Variants in NCKAP5 observed in about 807,000 individuals in gnomAD.
NCKAP5 encodes nck-associated protein 5.
NCKAP5 carries 92 observed loss-of-function variants against 167.0 expected under a neutral mutation model. The ratio of observed to expected loss-of-function variants is 0.55; its 90% CI spans 0.47 to 0.66. The LOEUF (loss-of-function observed/expected upper bound fraction) is 0.66, where lower values mean the gene tolerates loss of function less well. Among genes scored for constraint, NCKAP5 ranks in the 30% least tolerant of loss-of-function variants. The pLI is 0.00. For synonymous variants in NCKAP5, 891 were observed against 877.4 expected (o/e 1.02, Z -0.27); for missense variants, 2,378 against 2,315.0 (o/e 1.03, Z -0.56).
At chr2:133,065,629 T>A (rs115158139) in intron 6 of NCKAP5, among the ~76,000 whole-genome samples, 235 of 151,728 alleles carry the variant, frequency 1.5e-3, no homozygotes, top group African/African-American at 5.4e-3. Flanking sequence ...ATCTTAAAAA[T>A]TTTTTTTCTC....
intron 5 of NCKAP5, among the ~76,000 whole-genome samples, chr2:133,155,455 T>C (rs35535037): frequency 0.18 from 27,818 of 152,050 alleles, 2,784 homozygotes; most frequent in Non-Finnish European, 0.22. Flanking sequence ...TGAGAACCCC[T>C]GCCACAGCTC....
intron 4 of NCKAP5, among the ~76,000 whole-genome samples, chr2:133,220,381 T>A (rs575021008): frequency 1.3e-5 from 2 of 152,316 alleles, no homozygotes; most frequent in East Asian, 3.9e-4. Flanking sequence ...TTACTTCTCT[T>A]ACAGTTAAAT....
chr2:132,784,964 T>A lies in NCKAP5; in HGVS notation c.1847A>T (p.Asn616Ile). The change falls in exon 14 of 20, where the codon AAC becomes ATC. Residue 616 changes from asparagine (N) to isoleucine (I), a missense_variant. Physicochemically the swap from Asn to Ile is moderately radical, Grantham distance 149. Coordinates refer to ENST00000409261, the MANE Select transcript of NCKAP5 (RefSeq NM_207363.3). ...TCCAAACCCCACAAGGACATCCAGG[T>A]TCTCCACGGACTTATCGGTGTCGGC... is the stretch of plus-strand genomic sequence containing the variant. ...LAADTDKSVE[N>I]LDVLVGFGKS... The A allele has an allele frequency of 6.2e-7, 1 of 1,612,172 alleles. No individual in the cohort carries two copies. The highest frequency in any genetic ancestry group is 8.5e-7 in the Non-Finnish European group (1 of 1,179,016).
chr2:133,062,617 T>C (rs2080045034), intron 6 of NCKAP5, among the ~76,000 whole-genome samples: 1 of 152,218 alleles, frequency 6.6e-6, no homozygotes, highest in East Asian at 1.9e-4. Context: ...CTGGTCCTCT[T>C]TGCAGAGGTA....
rs1553639573 is a variant in NCKAP5 at position 133,430,149 on chromosome 2, CTCT to C, written c.69+87306_69+87308del. 3.3e-5 allele frequency among the ~76,000 whole-genome samples: 5 copies of C among 151,984 alleles called. 1 individual carries two copies. The highest frequency in any genetic ancestry group is 7.4e-5 in the Non-Finnish European group (5 of 67,966). ...GAGAAATAACTGTTCATGTCCTTTG[CTCT>C]TCTTGATTTTTTAATTTTTGTGGGT... On this transcript the variant is annotated intron_variant, in intron 3 of 19. Transcript: ENST00000409261.
intron 5 of NCKAP5, among the ~76,000 whole-genome samples, chr2:133,168,882 G>T (rs61188333): frequency 0.029 from 4,404 of 152,136 alleles, 203 homozygotes; most frequent in African/African-American, 0.1. Context: ...TGGTAAAAGA[G>T]TTTACTCAGC....
intron 19 of NCKAP5, among the ~76,000 whole-genome samples, chr2:132,689,044 C>A (rs527832340): frequency 2.4e-4 from 35 of 147,938 alleles, no homozygotes; most frequent in Non-Finnish European, 4.6e-4. Context: ...ACTTCTCCTA[C>A]TTTGGTTGAA....
intron 3 of NCKAP5, among the ~76,000 whole-genome samples, chr2:133,429,453 T>C (rs1354405127): frequency 6.6e-6 from 1 of 152,088 alleles, no homozygotes; most frequent in Non-Finnish European, 1.5e-5. Context: ...CTTCCCCCTC[T>C]TCATCCCTCC....
chr2:132,807,950 G>C (rs953354881), intron 11 of NCKAP5, among the ~76,000 whole-genome samples: 1 of 152,082 alleles, frequency 6.6e-6, no homozygotes, highest in Non-Finnish European at 1.5e-5. Flanking sequence ...ATTTTGCTAA[G>C]AGTTTTAATC....
the NCKAP5 span, among the ~76,000 whole-genome samples, chr2:133,660,424 AAC>A: frequency 6.6e-6 from 1 of 152,078 alleles, no homozygotes; most frequent in Non-Finnish European, 1.5e-5. Context: ...TTTTCATGAA[AAC>A]ACAGCAAAAA....
At chr2:133,607,261 T>G in the NCKAP5 span, among the ~76,000 whole-genome samples, 1 of 152,176 alleles carries the variant, frequency 6.6e-6, no homozygotes, top group African/African-American at 2.4e-5. Context: ...ATTAAAAGAT[T>G]TACACCATGC....
intron 6 of NCKAP5, among the ~76,000 whole-genome samples, chr2:133,011,811 G>A (rs148773426): frequency 3.3e-5 from 5 of 152,170 alleles, no homozygotes; most frequent in Non-Finnish European, 7.3e-5. Context: ...TGTGAACCAC[G>A]TTGCTGATCT....
chr2:133,389,495 G>A (rs1687244286), intron 3 of NCKAP5, among the ~76,000 whole-genome samples: 1 of 152,154 alleles, frequency 6.6e-6, no homozygotes, highest in African/African-American at 2.4e-5. Flanking sequence ...AACAAACCAG[G>A]GAAAAGTTCC....
At chr2:133,429,809 A>C (rs1690046042) in intron 3 of NCKAP5, among the ~76,000 whole-genome samples, 1 of 152,042 alleles carries the variant, frequency 6.6e-6, no homozygotes, top group Non-Finnish European at 1.5e-5. Flanking sequence ...TTTTGGTAGA[A>C]CGATTTCTTT....
intron 6 of NCKAP5, among the ~76,000 whole-genome samples, chr2:133,113,458 T>A (rs2081978459): frequency 6.6e-6 from 1 of 152,202 alleles, no homozygotes; most frequent in Non-Finnish European, 1.5e-5. Context: ...AAATTTCACC[T>A]AACGGTATTG....
At chr2:132,989,275 G>A (rs2149293607) in intron 7 of NCKAP5, among the ~76,000 whole-genome samples, 1 of 152,230 alleles carries the variant, frequency 6.6e-6, no homozygotes, top group Admixed American at 6.5e-5. Context: ...TTTTCTTTAT[G>A]CTTAATTGCC....
chr2:133,181,082 G>A (rs931762679), intron 5 of NCKAP5, among the ~76,000 whole-genome samples: 3 of 151,930 alleles, frequency 2.0e-5, no homozygotes, highest in Non-Finnish European at 4.4e-5. Flanking sequence ...AAATATAATG[G>A]GTTTTTATTC....
intron 19 of NCKAP5, among the ~76,000 whole-genome samples, chr2:132,695,349 G>T (rs1286041467): frequency 1.3e-5 from 2 of 152,118 alleles, no homozygotes; most frequent in Admixed American, 1.3e-4. Context: ...CAGCATCTCT[G>T]CCCTGGAAGG....
intron 19 of NCKAP5, among the ~76,000 whole-genome samples, chr2:132,700,162 C>G (rs1419285094): frequency 6.6e-6 from 1 of 152,160 alleles, no homozygotes; most frequent in Non-Finnish European, 1.5e-5. Context: ...CCTTCACTCA[C>G]TTTTTGATGG....
Sources: allele counts gnomAD v4.1 joint callset (sites outside exome capture counted in the v4.1 genomes callset), GRCh38; gene constraint gnomAD v4.1.1; transcripts MANE v1.5; gene names NCBI Gene and HGNC (gene_info 2026-07-23, HGNC 2026-07-21).